Variants in UPF2 observed in about 807,000 individuals in gnomAD.
UPF2 encodes the protein UPF2 regulator of nonsense mediated mRNA decay, also known as regulator of nonsense transcripts 2.
A neutral mutation model predicts 141.4 loss-of-function variants in UPF2; 17 were observed. The ratio of observed to expected loss-of-function variants is 0.12; its 90% CI spans 0.08 to 0.18. The LOEUF is 0.18. UPF2 is among the 10% of genes least tolerant of loss of function. UPF2 has a pLI of 1.00. For synonymous variants in UPF2, 540 were observed against 498.0 expected (o/e 1.08, Z -1.12); for missense variants, 1,152 against 1,515.9 (o/e 0.76, Z 3.99).
At chr10:12,025,491 C>T (rs1329949387) in intron 3 of UPF2, among the ~76,000 whole-genome samples, 1 of 152,032 alleles carries the variant, frequency 6.6e-6, no homozygotes, top group African/African-American at 2.4e-5. Context: ...GCAAAGGTTG[C>T]AGTGAGCCAA....
At chr10:12,030,504 C>T in intron 2 of UPF2, among the ~76,000 whole-genome samples, 1 of 151,730 alleles carries the variant, frequency 6.6e-6, no homozygotes, top group Non-Finnish European at 1.5e-5. Flanking sequence ...CTCCCAACTG[C>T]ACTCCAACCT....
chr10:12,029,407 G>A lies in UPF2; in HGVS notation c.483C>T (p.Phe161=). The part of the protein sequence containing the change: ...APDSRPEENF[F]SRLDSSLKKN... ...TCTTCAAACTTGAGTCGAGGCGGCT[G>A]AAGAAGTTTTCCTCTGGTCGGCTGT... Residue 161 remains phenylalanine (F), a synonymous_variant, in exon 3 of 22, where the codon TTC becomes TTT. Transcript: ENST00000357604. 2 of 1,614,208 alleles carry A rather than the reference G, an allele frequency of 1.2e-6. No homozygotes were observed. Among genetic ancestry groups the A allele is most frequent in the Non-Finnish European group, 1.7e-6 (2 of 1,180,038 alleles).
At position 11,956,652 on chromosome 10, in the gene UPF2, G is replaced by T; in HGVS notation, c.2371-129C>A. ...GAAAATACATTAGAAATCCTCTATC[G>T]GCCTCTTCAGAAATAGAAAAACTGA... On this transcript the variant is annotated intron_variant, in intron 12 of 21. Coordinates refer to ENST00000357604, the MANE Select transcript of UPF2 (RefSeq NM_015542.4). This position sits in a 1 kb window ranked among gnomAD's most constrained non-coding sequence, Gnocchi z 4.2. The T allele has an allele frequency of 1.3e-6, 1 of 761,072 alleles. No individual in the cohort carries two copies. Among genetic ancestry groups the T allele is most frequent in the South Asian group, 1.6e-5 (1 of 60,894 alleles). The allele number at this position is 761,072 out of a possible 1,614,324, so 47.1% of individuals were successfully genotyped here.
intron 8 of UPF2, among the ~76,000 whole-genome samples, chr10:11,986,123 A>T (rs1228298849): frequency 9.9e-5 from 15 of 151,924 alleles, no homozygotes. Context: ...TGACCTTGTG[A>T]TCCGCCCGCC....
chr10:11,948,578 C>A, intron 15 of UPF2, 70 bp from the exon 16 acceptor site: 1 of 1,492,076 alleles, frequency 6.7e-7, no homozygotes, highest in South Asian at 1.3e-5. Context: ...TACACTATAC[C>A]AATTCATGTA....
Position 11,920,730 on chromosome 10 carries a change from C to T in UPF2, c.*568G>A. ...AAACAAATTCCTAAACAAAAGCCTTCCTGGTGGATTATCTGGTATTTGGAT... is the reference window on the plus strand; with the variant it reads ...AAACAAATTCCTAAACAAAAGCCTTTCTGGTGGATTATCTGGTATTTGGAT... On this transcript the variant is annotated 3_prime_UTR_variant, in exon 22 of 22. Transcript: ENST00000357604. The T allele has an allele frequency of 3.8e-6, 1 of 261,822 alleles. No individual in the cohort carries two copies. Among genetic ancestry groups the T allele is most frequent in the Non-Finnish European group, 7.6e-6 (1 of 131,932 alleles). 16.2% of individuals were successfully genotyped at this position (261,822 alleles called of 1,614,324 possible).
Position 12,016,731 on chromosome 10 carries a change from T to G in UPF2, c.1146-2547A>C, listed in dbSNP as rs1250177566. 6.9e-6 allele frequency among the ~76,000 whole-genome samples: 1 copy of G among 144,180 alleles called. No homozygotes were observed. Among genetic ancestry groups the G allele is most frequent in the African/African-American group, 2.6e-5 (1 of 38,610 alleles). The allele number at this position is 144,180 out of a possible 152,430, so 94.6% of individuals were successfully genotyped here. A position where few individuals can be genotyped will look rare whatever the true frequency, so the allele number is the denominator to read the frequency against. ...AAGAAGTAAGTTACTTAAAAATATC[T>G]GCAATGTAGGGCCGGGCACGGTGGT... On this transcript the variant is annotated intron_variant, in intron 3 of 21. Transcript: ENST00000357604. The surrounding 1 kb of genome is among the most constrained non-coding windows in gnomAD (Gnocchi z 4.1).
intron 9 of UPF2, among the ~76,000 whole-genome samples, chr10:11,976,896 C>G (rs934670028): frequency 6.6e-6 from 1 of 152,266 alleles, no homozygotes; most frequent in African/African-American, 2.4e-5. Flanking sequence ...AAGAACAATC[C>G]TATTTTAAAA....
chr10:12,009,101 T>A (rs1780269148), intron 4 of UPF2, among the ~76,000 whole-genome samples: 1 of 152,208 alleles, frequency 6.6e-6, no homozygotes, highest in Non-Finnish European at 1.5e-5. Context: ...TTGATGGGCA[T>A]TTGGGTTGCT....
chr10:12,021,089 T>C (rs7072151), intron 3 of UPF2, among the ~76,000 whole-genome samples: 7,967 of 152,308 alleles, frequency 0.052, 283 homozygotes, highest in Non-Finnish European at 0.08. Flanking sequence ...TATTACATAA[T>C]TGTGAAAAGT....
chr10:11,965,208 G>A (rs1833299766), intron 10 of UPF2, among the ~76,000 whole-genome samples: 1 of 152,120 alleles, frequency 6.6e-6, no homozygotes, highest in Non-Finnish European at 1.5e-5. Flanking sequence ...TCCTGGGAAA[G>A]AAATTTCTGT....
In UPF2 at chr10:11,931,820, G is replaced by T. The variant is rs1274336723; in HGVS notation, c.3547-38C>A. The T allele has an allele frequency of 1.3e-6, 2 of 1,570,802 alleles. No homozygotes were observed. The highest frequency in any genetic ancestry group is 2.8e-5 in the African/African-American group (2 of 72,430). ...AACAAAGGAGTTACAAATAGTTTGA[G>T]AACACTGAGAGAAAGAAAAAACAGA... is the stretch of plus-strand genomic sequence containing the variant. On this transcript the variant is annotated intron_variant, in intron 19 of 21. Transcript: ENST00000357604. The surrounding 1 kb of genome is among the most constrained non-coding windows in gnomAD (Gnocchi z 5.9).
At chr10:12,000,210 T>C (rs1002445765) in intron 6 of UPF2, among the ~76,000 whole-genome samples, 1 of 152,198 alleles carries the variant, frequency 6.6e-6, no homozygotes, top group African/African-American at 2.4e-5. Flanking sequence ...GTCCTTCAGG[T>C]ATCAACTATA....
At chr10:11,972,873 A>AT (rs201704107) in intron 9 of UPF2, among the ~76,000 whole-genome samples, 9,111 of 152,272 alleles carry the variant, frequency 0.06, 369 homozygotes, top group Non-Finnish European at 0.092. Context: ...TAGCAGCATG[A>AT]TTTATAATCC....
chr10:11,957,381 A>G (rs994324306), intron 12 of UPF2, among the ~76,000 whole-genome samples: 8 of 151,422 alleles, frequency 5.3e-5, no homozygotes, highest in Non-Finnish European at 7.4e-5. Context: ...GTGAGCCGAG[A>G]CTCCACCACT....
At chr10:11,960,709 G>A (rs1318356294) in intron 11 of UPF2, among the ~76,000 whole-genome samples, 13 of 151,336 alleles carry the variant, frequency 8.6e-5, no homozygotes, top group Admixed American at 2.0e-4. Flanking sequence ...GTTCAAGGCC[G>A]CAGTGAGCTA....
chr10:11,933,301 C>G (rs1050811378), intron 19 of UPF2, among the ~76,000 whole-genome samples: 2 of 152,170 alleles, frequency 1.3e-5, no homozygotes, highest in Admixed American at 6.5e-5. Flanking sequence ...AGAACAAAAT[C>G]TACTTTCTTT....
intron 18 of UPF2, among the ~76,000 whole-genome samples, chr10:11,942,210 C>A (rs1323256013): frequency 6.6e-6 from 1 of 152,074 alleles, no homozygotes; most frequent in African/African-American, 2.4e-5. Context: ...GCTGTCTCTA[C>A]TAAAATACAA....
intron 8 of UPF2, among the ~76,000 whole-genome samples, chr10:11,997,152 A>T (rs1833876326): frequency 6.6e-6 from 1 of 152,178 alleles, no homozygotes; most frequent in African/African-American, 2.4e-5. Flanking sequence ...TATGCAACTG[A>T]ATGTGTGTCT....
Sources: gnomAD v4.1 joint callset for allele counts (sites outside exome capture counted in the v4.1 genomes callset) on GRCh38, gnomAD v4.1.1 for gene constraint, Gnocchi (gnomAD v3.1) non-coding constraint, MANE v1.5 for transcripts, NCBI Gene and HGNC (gene_info 2026-07-23, HGNC 2026-07-21) for gene names.